The following CAMK4 variants were observed in gnomAD, a reference collection of about 807,000 sequenced individuals.
CAMK4 encodes the protein calcium/calmodulin dependent protein kinase IV, also known as calcium/calmodulin-dependent protein kinase type IV.
Under a neutral mutation model 44.9 loss-of-function variants are expected in CAMK4, and 22 were observed. The observed-to-expected ratio is 0.49, with a 90% confidence interval of 0.35 to 0.70. CAMK4 has a LOEUF of 0.70. CAMK4 is among the 30% of genes least tolerant of loss of function. The probability of loss-of-function intolerance (pLI) is 0.01; values close to 1 mark genes in which losing one functional copy is unlikely to be tolerated. For missense variants in CAMK4, 498 were observed against 586.8 expected (o/e 0.85, Z 1.56); for synonymous variants, 218 against 215.4 (o/e 1.01, Z -0.11).
At chr5:111,439,736 A>T (rs942590480) in intron 5 of CAMK4, among the ~76,000 whole-genome samples, 54 of 152,274 alleles carry the variant, frequency 3.5e-4, no homozygotes, top group Admixed American at 2.6e-3. Flanking sequence ...GGTTTGGATG[A>T]GCTCACCCTG....
At chr5:111,225,618 A>C (rs1038874336) in intron 1 of CAMK4, among the ~76,000 whole-genome samples, 128 of 152,140 alleles carry the variant, frequency 8.4e-4, no homozygotes, top group African/African-American at 3.0e-3. Context: ...TTGCAATTTC[A>C]TTTTTCATTC....
At chr5:111,432,104 A>T (rs2112941253) in intron 5 of CAMK4, among the ~76,000 whole-genome samples, 1 of 152,306 alleles carries the variant, frequency 6.6e-6, no homozygotes, top group East Asian at 1.9e-4. Flanking sequence ...GAAGCAACCT[A>T]AGTGTCTATC....
At chr5:111,375,493 G>A (rs1309516963) in intron 3 of CAMK4, among the ~76,000 whole-genome samples, 1 of 152,110 alleles carries the variant, frequency 6.6e-6, no homozygotes, top group Non-Finnish European at 1.5e-5. Context: ...CAGGTTGCAA[G>A]TTATTTTTAT....
At chr5:111,329,606 A>G (rs1405237384) in intron 1 of CAMK4, among the ~76,000 whole-genome samples, 1 of 151,814 alleles carries the variant, frequency 6.6e-6, no homozygotes, top group Non-Finnish European at 1.5e-5. Flanking sequence ...AGCAAATAGA[A>G]CCCAGAAGTA....
intron 5 of CAMK4, among the ~76,000 whole-genome samples, chr5:111,424,326 C>G (rs904886558): frequency 1.1e-4 from 17 of 150,488 alleles, no homozygotes; most frequent in African/African-American, 4.1e-4. Context: ...GAACTCAGTT[C>G]TTGAAAACTA....
At chr5:111,320,772 C>T (rs570578331) in intron 1 of CAMK4, among the ~76,000 whole-genome samples, 49 of 152,334 alleles carry the variant, frequency 3.2e-4, no homozygotes, top group African/African-American at 1.2e-3. Flanking sequence ...TCCCAAAGTG[C>T]TGGGATTACA....
rs543817812 is a variant in CAMK4, at chr5:111,324,423, C to A, written c.162-19601C>A. Among the ~76,000 whole-genome samples the A allele has an allele frequency of 2.0e-4, 30 of 152,052 alleles. No individual in the cohort carries two copies. The South Asian group carries it at 5.6e-3, about 28-fold the overall frequency. ...TTAGCTGATGATAAAATAGTTCATG[C>A]TATTTTTAGTATGATGGAAAACAAA... On this transcript the variant is annotated intron_variant, in intron 1 of 10. Transcript: ENST00000282356.
At chr5:111,417,242 T>TTTA (rs1752847981) in intron 5 of CAMK4, among the ~76,000 whole-genome samples, 1 of 149,940 alleles carries the variant, frequency 6.7e-6, no homozygotes. Flanking sequence ...TTTTTTTTTT[T>TTTA]GAGACAAAGT....
At chr5:111,238,039 GC>G (rs1297404715) in intron 1 of CAMK4, among the ~76,000 whole-genome samples, 1 of 152,090 alleles carries the variant, frequency 6.6e-6, no homozygotes, top group Non-Finnish European at 1.5e-5. Flanking sequence ...ACAACCAGAG[GC>G]CAGGGGAGCG....
At chr5:111,431,670 A>T (rs1753447214) in intron 5 of CAMK4, among the ~76,000 whole-genome samples, 3 of 152,204 alleles carry the variant, frequency 2.0e-5, no homozygotes, top group African/African-American at 4.8e-5. Context: ...ATAGGAAAAA[A>T]ATCTAATAAT....
At chr5:111,431,464 A>G (rs1263033558) in intron 5 of CAMK4, among the ~76,000 whole-genome samples, 1 of 152,184 alleles carries the variant, frequency 6.6e-6, no homozygotes, top group Non-Finnish European at 1.5e-5. Flanking sequence ...AGACTTTTTG[A>G]ACAATACCCC....
In CAMK4 at chr5:111,494,875, A is replaced by T. The variant is rs1341613840; in HGVS notation, c.*10409A>T. ...AGAATACGATAATAAATCATTTAAGAAACCACCAAAACTTTGCATTCTGTG... is the reference window on the plus strand; with the variant it reads ...AGAATACGATAATAAATCATTTAAGTAACCACCAAAACTTTGCATTCTGTG... On this transcript the variant is annotated 3_prime_UTR_variant, in exon 11 of 11. Coordinates refer to ENST00000282356, the MANE Select transcript of CAMK4 (RefSeq NM_001744.6). 1 of 152,176 alleles carries T rather than the reference A, an allele frequency of 6.6e-6. No homozygotes were observed. The highest frequency in any genetic ancestry group is 2.4e-5 in the African/African-American group (1 of 41,448). The allele number at this position is 152,176 out of a possible 1,614,324, so 9.4% of individuals were successfully genotyped here. A position where few individuals can be genotyped will look rare whatever the true frequency, so the allele number is the denominator to read the frequency against.
At chr5:111,250,243 C>T (rs1222115730) in intron 1 of CAMK4, among the ~76,000 whole-genome samples, 1 of 152,150 alleles carries the variant, frequency 6.6e-6, no homozygotes. Flanking sequence ...ATGCATAGTG[C>T]TTTTACATTT....
chr5:111,430,198 C>A (rs1753392329), intron 5 of CAMK4, among the ~76,000 whole-genome samples: 1 of 152,036 alleles, frequency 6.6e-6, no homozygotes, highest in African/African-American at 2.4e-5. Flanking sequence ...GTCATATCAA[C>A]AGAATGAGGG....
intron 4 of CAMK4, among the ~76,000 whole-genome samples, chr5:111,392,646 TA>T (rs1751844254): frequency 6.6e-6 from 1 of 152,002 alleles, no homozygotes. Context: ...TAAAAACATA[TA>T]TAAAACATTT....
chr5:111,477,177 C>A (rs1755276031), intron 8 of CAMK4, among the ~76,000 whole-genome samples: 1 of 152,174 alleles, frequency 6.6e-6, no homozygotes, highest in African/African-American at 2.4e-5. Flanking sequence ...ATTCTCTGTG[C>A]AGACTGCTCA....
chr5:111,265,660 C>T (rs1750208202), intron 1 of CAMK4: 1 of 151,994 alleles, frequency 6.6e-6, no homozygotes, highest in South Asian at 2.1e-4. Context: ...TCAAGGAATG[C>T]AAAATTTAGT....
At chr5:111,382,216 G>A (rs1374071923) in intron 4 of CAMK4, among the ~76,000 whole-genome samples, 1 of 151,774 alleles carries the variant, frequency 6.6e-6, no homozygotes, top group Admixed American at 6.6e-5. Flanking sequence ...GTTATTAATA[G>A]GTCATAAGAC....
At chr5:111,433,940 G>A (rs1753552346) in intron 5 of CAMK4, among the ~76,000 whole-genome samples, 1 of 152,160 alleles carries the variant, frequency 6.6e-6, no homozygotes, top group South Asian at 2.1e-4. Context: ...ATTGACATGA[G>A]TTAATTTGTG....
Sources: allele counts gnomAD v4.1 joint callset (sites outside exome capture counted in the v4.1 genomes callset), GRCh38; gene constraint gnomAD v4.1.1; transcripts MANE v1.5; gene names NCBI Gene and HGNC (gene_info 2026-07-23, HGNC 2026-07-21).